Variants in PLEKHH2 observed in about 807,000 individuals in gnomAD.
PLEKHH2 encodes pleckstrin homology, MyTH4 and FERM domain containing H2, also known as pleckstrin homology domain-containing family H member 2.
In PLEKHH2, 129 loss-of-function variants were observed where a neutral mutation model predicts 187.9. That is an observed-to-expected ratio of 0.69 (90% CI 0.59 to 0.79). The LOEUF is 0.79. PLEKHH2 is among the 30% of genes least tolerant of loss of function. The pLI is 0.00. For synonymous variants in PLEKHH2, 686 were observed against 605.6 expected (o/e 1.13, Z -1.95); for missense variants, 2,076 against 1,751.2 (o/e 1.19, Z -3.31).
chr2:43,742,562 TAAAG>T (rs1430079129), intron 21 of PLEKHH2, among the ~76,000 whole-genome samples, 175 bp from the exon 22 acceptor site: 10 of 152,112 alleles, frequency 6.6e-5, no homozygotes, highest in Non-Finnish European at 1.2e-4. Context: ...GTTACAAAAA[TAAAG>T]AAGTTGGAAT....
At chr2:43,758,175 G>A (rs1672289334) in intron 26 of PLEKHH2, among the ~76,000 whole-genome samples, 1 of 152,168 alleles carries the variant, frequency 6.6e-6, no homozygotes, top group Admixed American at 6.5e-5. Flanking sequence ...GTTTCACCTT[G>A]CATCTAACAT....
intron 26 of PLEKHH2, among the ~76,000 whole-genome samples, chr2:43,758,548 G>A (rs151320178): frequency 2.2e-3 from 338 of 152,222 alleles, no homozygotes; most frequent in African/African-American, 7.6e-3. Context: ...CCACTGCACC[G>A]GGCCTGTACT....
intron 2 of PLEKHH2, among the ~76,000 whole-genome samples, chr2:43,649,553 G>A (rs1267152742): frequency 6.6e-6 from 1 of 152,168 alleles, no homozygotes; most frequent in African/African-American, 2.4e-5. Context: ...CATAGTATAT[G>A]CTTTTACCCA....
intron 1 of PLEKHH2, among the ~76,000 whole-genome samples, chr2:43,639,798 A>T (rs1703287884): frequency 6.6e-6 from 1 of 151,964 alleles, no homozygotes; most frequent in African/African-American, 2.4e-5. Context: ...CTGGAATTAT[A>T]GGCCTGCACC....
chr2:43,710,335 G>C lies in PLEKHH2; in HGVS notation c.2214+5G>C. ...TTACTTTACTACAAATCTCCGGTGA[G>C]TGGAAAGTGTTTTCTGTTTAGAACG... is the stretch of plus-strand genomic sequence containing the variant. On this transcript the variant is annotated splice_donor_5th_base_variant and intron_variant, in intron 13 of 29. Coordinates refer to ENST00000282406, the MANE Select transcript of PLEKHH2 (RefSeq NM_172069.4). 1.9e-6 allele frequency: 3 copies of C among 1,611,672 alleles called. No homozygotes were observed. Among genetic ancestry groups the C allele is most frequent in the Non-Finnish European group, 2.5e-6 (3 of 1,177,922 alleles).
intron 2 of PLEKHH2, among the ~76,000 whole-genome samples, chr2:43,653,276 A>T: frequency 6.6e-6 from 1 of 152,332 alleles, no homozygotes; most frequent in East Asian, 1.9e-4. Flanking sequence ...CAAAGAAAAG[A>T]TTCTGCAAGC....
At chr2:43,703,944 T>G in intron 8 of PLEKHH2, 37 bp from the exon 9 acceptor site, 3 of 580,144 alleles carry the variant, frequency 5.2e-6, no homozygotes, top group Non-Finnish European at 8.4e-6. Flanking sequence ...TTTTTTTTGC[T>G]TTAAATACCC....
chr2:43,729,091 G>T (rs189607219), intron 17 of PLEKHH2, among the ~76,000 whole-genome samples: 76 of 152,170 alleles, frequency 5.0e-4, no homozygotes, highest in African/African-American at 1.8e-3. Context: ...AGAATTTCTA[G>T]CAACAAGGGA....
At chr2:43,707,993 T>G (rs1230285227) in intron 11 of PLEKHH2, among the ~76,000 whole-genome samples, 2 of 152,226 alleles carry the variant, frequency 1.3e-5, no homozygotes, top group African/African-American at 4.8e-5. Context: ...TTGAAGACAT[T>G]CTGTGTGTAG....
intron 24 of PLEKHH2, among the ~76,000 whole-genome samples, chr2:43,752,440 C>T (rs187251380): frequency 5.3e-5 from 8 of 152,160 alleles, no homozygotes; most frequent in African/African-American, 1.9e-4. Flanking sequence ...GTATACCCAC[C>T]CATGCTTGCC....
At chr2:43,675,938 C>G in intron 2 of PLEKHH2, 1 of 1,614,006 alleles carries the variant, frequency 6.2e-7, no homozygotes, top group East Asian at 2.2e-5. Context: ...CCATACTTTT[C>G]AAAGACGTAT....
At chr2:43,648,180 T>G (rs189889895) in intron 2 of PLEKHH2, among the ~76,000 whole-genome samples, 39 of 152,086 alleles carry the variant, frequency 2.6e-4, no homozygotes, top group Admixed American at 7.9e-4. Context: ...TTCTGGTTTT[T>G]TTTGTTTGTT....
chr2:43,764,167 T>C (rs1672533959), intron 28 of PLEKHH2, 61 bp from the exon 29 acceptor site: 1 of 1,017,636 alleles, frequency 9.8e-7, no homozygotes, highest in Non-Finnish European at 1.3e-6. Flanking sequence ...TTATTAATTA[T>C]TTTCCATCTC....
chr2:43,718,103 G>T (rs1670299569), intron 15 of PLEKHH2, among the ~76,000 whole-genome samples: 1 of 152,144 alleles, frequency 6.6e-6, no homozygotes. Flanking sequence ...AAAACCAATA[G>T]AAACTACCTT....
At position 43,765,772 on chromosome 2, in the gene PLEKHH2, C is replaced by T. The variant is rs1300871654; in HGVS notation, c.*174C>T. On this transcript the variant is annotated 3_prime_UTR_variant, in exon 30 of 30. Transcript: ENST00000282406. ...TCTTAAATATTCAAATAAATATTAA[C>T]AGTAAAACATAAACACAAAATTTGC... 1 of 576,222 alleles carries T rather than the reference C, an allele frequency of 1.7e-6. No individual in the cohort carries two copies. The highest frequency in any genetic ancestry group is 3.1e-5 in the East Asian group (1 of 32,016). The allele number at this position is 576,222 out of a possible 1,614,324, so 35.7% of individuals were successfully genotyped here. A position where few individuals can be genotyped will look rare whatever the true frequency, so the allele number is the denominator to read the frequency against.
intron 14 of PLEKHH2, 34 bp downstream of exon 14, chr2:43,710,609 G>C: frequency 5.8e-6 from 2 of 342,240 alleles, no homozygotes; most frequent in South Asian, 4.1e-5. Flanking sequence ...TTTTTTTTTT[G>C]TATCATGCCA....
intron 1 of PLEKHH2, among the ~76,000 whole-genome samples, chr2:43,642,446 G>A (rs1457500834): frequency 6.6e-6 from 1 of 152,102 alleles, no homozygotes; most frequent in East Asian, 1.9e-4. Flanking sequence ...GTCCAATCTA[G>A]ATGGTTTTTT....
chr2:43,711,328 G>A, intron 14 of PLEKHH2: 2 of 985,400 alleles, frequency 2.0e-6, no homozygotes, highest in Non-Finnish European at 2.4e-6. Flanking sequence ...GAGAATCAAG[G>A]AAAGCTTTGT....
chr2:43,756,992 C>G (rs989070047), intron 25 of PLEKHH2, 127 bp from the exon 26 acceptor site: 378 of 607,486 alleles, frequency 6.2e-4, no homozygotes, highest in Non-Finnish European at 5.8e-4. Context: ...TTCATAATCA[C>G]ATAATCATGA....
Sources: gnomAD v4.1 joint callset for allele counts (sites outside exome capture counted in the v4.1 genomes callset) on GRCh38, gnomAD v4.1.1 for gene constraint, MANE v1.5 for transcripts, NCBI Gene and HGNC (gene_info 2026-07-23, HGNC 2026-07-21) for gene names.